Variants in DPYSL5 observed in about 807,000 individuals in gnomAD.
The protein encoded by DPYSL5 is dihydropyrimidinase like 5, also known as dihydropyrimidinase-related protein 5.
A neutral mutation model predicts 58.4 loss-of-function variants in DPYSL5; 9 were observed. That is an observed-to-expected ratio of 0.15 (90% CI 0.09 to 0.27). DPYSL5 has a LOEUF of 0.27. Among genes scored for constraint, DPYSL5 ranks in the 10% least tolerant of loss-of-function variants. DPYSL5 has a pLI of 1.00. For synonymous variants in DPYSL5, 293 were observed against 301.9 expected (o/e 0.97, Z 0.31); for missense variants, 499 against 770.6 (o/e 0.65, Z 4.17).
At chr2:26,931,138 A>T (rs1396159977) in intron 5 of DPYSL5, among the ~76,000 whole-genome samples, 1 of 22,836 alleles carries the variant, frequency 4.4e-5, no homozygotes, top group Non-Finnish European at 7.5e-5. Context: ...GACCCTATCT[A>T]AAAAAAAAAA....
chr2:26,919,172 C>T (rs1260984613), intron 2 of DPYSL5, among the ~76,000 whole-genome samples: 2 of 152,148 alleles, frequency 1.3e-5, no homozygotes, highest in Non-Finnish European at 2.9e-5. Context: ...AATGTCTTTC[C>T]AACTTGCTGA....
chr2:26,907,264 G>A (rs1161294348), intron 2 of DPYSL5, among the ~76,000 whole-genome samples: 14 of 151,998 alleles, frequency 9.2e-5, no homozygotes, highest in South Asian at 2.1e-4. Flanking sequence ...ACAGGCGCCC[G>A]CCACCATGCC....
In DPYSL5 at chr2:26,925,123, C is replaced by G. The variant is rs1664797465; in HGVS notation, c.420+78C>G. On this transcript the variant is annotated intron_variant, in intron 3 of 12. Transcript: ENST00000288699. This position sits in a 1 kb window ranked among gnomAD's most constrained non-coding sequence, Gnocchi z 4.5. ...AGGGGCTGGTTGGGGTGCAGTGCCT[C>G]CTGCTTGTGTGGGGCACCCCTCCCA... 1.6e-5 allele frequency: 24 copies of G among 1,543,422 alleles called. No individual in the cohort carries two copies. The South Asian group carries it at 2.8e-4, about 18-fold the overall frequency.
intron 1 of DPYSL5, among the ~76,000 whole-genome samples, chr2:26,896,273 C>T (rs567737001): frequency 3.3e-5 from 5 of 152,180 alleles, no homozygotes; most frequent in Admixed American, 1.3e-4. Context: ...ACATCTTTTT[C>T]ATCCATTCAT....
At chr2:26,860,446 T>C (rs955429105) in intron 1 of DPYSL5, among the ~76,000 whole-genome samples, 1 of 152,236 alleles carries the variant, frequency 6.6e-6, no homozygotes, top group Non-Finnish European at 1.5e-5. Context: ...CAATTCTTCA[T>C]TGGTGAAAAC....
chr2:26,917,056 C>A (rs998700401), intron 2 of DPYSL5, among the ~76,000 whole-genome samples: 9 of 152,212 alleles, frequency 5.9e-5, no homozygotes, highest in Admixed American at 5.2e-4. Context: ...CTCATAGTAA[C>A]TCCATGAGGG....
intron 1 of DPYSL5, among the ~76,000 whole-genome samples, chr2:26,890,662 A>T (rs1161627158): frequency 6.6e-6 from 1 of 152,208 alleles, no homozygotes; most frequent in Non-Finnish European, 1.5e-5. Flanking sequence ...AGATGCTTGT[A>T]TTAGTCTGCT....
At chr2:26,857,718 A>G (rs1665914229) in intron 1 of DPYSL5, among the ~76,000 whole-genome samples, 1 of 152,226 alleles carries the variant, frequency 6.6e-6, no homozygotes, top group Non-Finnish European at 1.5e-5. Context: ...AAATTTAGAA[A>G]TAGAATTATG....
At position 26,933,994 on chromosome 2, in the gene DPYSL5, G is replaced by C. The variant is rs1170446630; in HGVS notation, c.791-584G>C. On this transcript the variant is annotated intron_variant, in intron 7 of 12. Transcript: ENST00000288699. This position sits in a 1 kb window ranked among gnomAD's most constrained non-coding sequence, Gnocchi z 4.2. ...CAACTATAATCGATCAGAAGCAAGG[G>C]CATCCTGGCCTTCAACTCTATCGCC... Among the ~76,000 whole-genome samples the C allele has an allele frequency of 6.6e-6, 1 of 152,008 alleles. No individual in the cohort carries two copies. The highest frequency in any genetic ancestry group is 1.5e-5 in the Non-Finnish European group (1 of 67,988).
At chr2:26,899,920 T>G (rs946450925) in intron 2 of DPYSL5, among the ~76,000 whole-genome samples, 1 of 152,122 alleles carries the variant, frequency 6.6e-6, no homozygotes, top group Non-Finnish European at 1.5e-5. Flanking sequence ...GATTATGAAA[T>G]GGGGAGCCCC....
At chr2:26,868,759 C>G (rs1205644866) in intron 1 of DPYSL5, among the ~76,000 whole-genome samples, 1 of 152,188 alleles carries the variant, frequency 6.6e-6, no homozygotes, top group Non-Finnish European at 1.5e-5. Flanking sequence ...CTTCCCCACA[C>G]TATTCCTTTT....
At chr2:26,946,745 T>C (rs997183345) in intron 12 of DPYSL5, among the ~76,000 whole-genome samples, 165 bp from the exon 13 acceptor site, 2 of 138,914 alleles carry the variant, frequency 1.4e-5, no homozygotes, top group African/African-American at 5.2e-5. Flanking sequence ...ATGGGGCAAG[T>C]CACTTAACTT....
intron 2 of DPYSL5, among the ~76,000 whole-genome samples, chr2:26,911,376 A>G (rs1022826902): frequency 7.7e-6 from 1 of 129,180 alleles, no homozygotes; most frequent in Non-Finnish European, 1.7e-5. Context: ...CTGCAAATCA[A>G]AAACATAGAG....
intron 6 of DPYSL5, among the ~76,000 whole-genome samples, chr2:26,932,192 AAAGAAAGAAAGAAAGAAAAGAAAG>A (rs1558351607): frequency 4.8e-5 from 4 of 83,482 alleles, no homozygotes; most frequent in South Asian, 4.5e-4. Context: ...AGAAAGAAAG[AAAGAAAGAAAGAAAGAAAAGAAAG>A]AAAGAAAGAA....
rs1170642055 is a variant in DPYSL5, at chr2:26,944,292, A to AG, written c.1441-363dup. Among the ~76,000 whole-genome samples the AG allele has an allele frequency of 6.6e-6, 1 of 152,142 alleles. No homozygotes were observed. The highest frequency in any genetic ancestry group is 1.5e-5 in the Non-Finnish European group (1 of 68,012). Reference sequence around the variant, plus strand: ...AGAGTGAGACTCTGTCTCAAAAAAAAGAAAAGAAAAATTTGGTTAAAGTTG... The same window carrying AG: ...AGAGTGAGACTCTGTCTCAAAAAAAAGGAAAAGAAAAATTTGGTTAAAGTTG... On this transcript the variant is annotated intron_variant, in intron 11 of 12. Transcript: ENST00000288699. This position sits in a 1 kb window ranked among gnomAD's most constrained non-coding sequence, Gnocchi z 4.4.
At chr2:26,918,638 G>C (rs1664633983) in intron 2 of DPYSL5, among the ~76,000 whole-genome samples, 1 of 152,168 alleles carries the variant, frequency 6.6e-6, no homozygotes, top group African/African-American at 2.4e-5. Flanking sequence ...TGTTTGCACT[G>C]TGCTTACCAG....
intron 1 of DPYSL5, among the ~76,000 whole-genome samples, chr2:26,856,284 G>C (rs972275692): frequency 2.0e-5 from 3 of 152,132 alleles, no homozygotes; most frequent in Non-Finnish European, 4.4e-5. Flanking sequence ...AGAATTATCA[G>C]TACTCAAGGA....
intron 1 of DPYSL5, among the ~76,000 whole-genome samples, chr2:26,861,653 G>A (rs1398363843): frequency 1.3e-5 from 2 of 152,174 alleles, no homozygotes; most frequent in Non-Finnish European, 2.9e-5. Flanking sequence ...GCTTCCTCAT[G>A]TAGAGCATTC....
chr2:26,880,286 T>C (rs1410108560), intron 1 of DPYSL5, among the ~76,000 whole-genome samples: 1 of 152,202 alleles, frequency 6.6e-6, no homozygotes. Flanking sequence ...GCTCCTTCCT[T>C]TTCTGTTCTG....
Sources: gnomAD v4.1 joint callset for allele counts (sites outside exome capture counted in the v4.1 genomes callset) on GRCh38, gnomAD v4.1.1 for gene constraint, Gnocchi (gnomAD v3.1) non-coding constraint, MANE v1.5 for transcripts, NCBI Gene and HGNC (gene_info 2026-07-23, HGNC 2026-07-21) for gene names.